STPG2: variants seen among roughly 807,000 people sequenced by gnomAD.
STPG2 encodes sperm tail PG-rich repeat containing 2.
Under a neutral mutation model 54.2 loss-of-function variants are expected in STPG2, and 56 were observed. The observed-to-expected ratio is 1.03, with a 90% CI of 0.83 to 1.29. The LOEUF (loss-of-function observed/expected upper bound fraction) is 1.29. Ranked by LOEUF, STPG2 falls within the 50% of genes most tolerant of loss-of-function variation. The pLI, the probability that STPG2 is intolerant of heterozygous loss-of-function variation, is 0.00. For synonymous variants in STPG2, 200 were observed against 181.8 expected (o/e 1.10, Z -0.81); for missense variants, 596 against 544.9 (o/e 1.09, Z -0.93).
At chr4:97,897,859 T>A (rs1176336235) in intron 8 of STPG2, among the ~76,000 whole-genome samples, 1 of 152,216 alleles carries the variant, frequency 6.6e-6, no homozygotes, top group Non-Finnish European at 1.5e-5. Flanking sequence ...GTAGGTTGTC[T>A]GTTCACTCTG....
chr4:97,474,832 T>G (rs975026623), intron 4 of STPG2, among the ~76,000 whole-genome samples: 3 of 152,110 alleles, frequency 2.0e-5, no homozygotes, highest in African/African-American at 7.2e-5. Context: ...AAATAACTTT[T>G]TGTGTGGGTT....
At chr4:98,016,252 T>C (rs371653426) in intron 5 of STPG2, among the ~76,000 whole-genome samples, 2 of 152,152 alleles carry the variant, frequency 1.3e-5, no homozygotes, top group South Asian at 4.1e-4. Flanking sequence ...TGACTATCCA[T>C]TTGTGTTTAA....
intron 8 of STPG2, among the ~76,000 whole-genome samples, chr4:97,891,234 T>A (rs1361417625): frequency 6.6e-6 from 1 of 152,080 alleles, no homozygotes; most frequent in African/African-American, 2.4e-5. Context: ...CACTTTGTGA[T>A]CATTAAAAGT....
At chr4:97,751,866 C>T (rs1306173549) in intron 9 of STPG2, among the ~76,000 whole-genome samples, 1 of 151,586 alleles carries the variant, frequency 6.6e-6, no homozygotes. Context: ...TAATTACTGC[C>T]GATAGCCCTC....
chr4:98,014,484 G>C (rs1735865186), intron 5 of STPG2, among the ~76,000 whole-genome samples: 1 of 152,078 alleles, frequency 6.6e-6, no homozygotes, highest in Non-Finnish European at 1.5e-5. Context: ...TTCACCTGCT[G>C]TTTTGGTTTT....
At chr4:97,816,889 TTTTA>T (rs1273553311) in intron 9 of STPG2, among the ~76,000 whole-genome samples, 3 of 150,026 alleles carry the variant, frequency 2.0e-5, no homozygotes, top group Admixed American at 1.3e-4. Context: ...TCTTTTTCTT[TTTTA>T]TTTCTCTCAT....
intron 9 of STPG2, among the ~76,000 whole-genome samples, chr4:97,828,468 G>T (rs570908091): frequency 3.9e-5 from 6 of 152,110 alleles, no homozygotes; most frequent in Non-Finnish European, 8.8e-5. Flanking sequence ...CAGCTGGTTG[G>T]GCAGACACCA....
In STPG2 at chr4:97,957,450, G is replaced by A. The variant is rs1450741059; in HGVS notation, c.934-13443C>T. Reference sequence around the variant, plus strand: ...GATTATGTTAAACGACCAAACCTAAGAATAATTGAGAAAGAAGGGAAATCT... The same window carrying A: ...GATTATGTTAAACGACCAAACCTAAAAATAATTGAGAAAGAAGGGAAATCT... On this transcript the variant is annotated intron_variant, in intron 7 of 10. Coordinates refer to ENST00000295268, the MANE Select transcript of STPG2 (RefSeq NM_174952.3). Among the ~76,000 whole-genome samples the A allele has an allele frequency of 2.0e-5, 3 of 152,026 alleles. No homozygotes were observed. In the East Asian group the frequency reaches 5.8e-4, roughly 29 times the overall value.
At chr4:97,469,781 A>G (rs927262979) in intron 4 of STPG2, among the ~76,000 whole-genome samples, 2 of 152,010 alleles carry the variant, frequency 1.3e-5, no homozygotes, top group African/African-American at 4.8e-5. Flanking sequence ...AGACACAGAA[A>G]CTAAAACATA....
chr4:97,920,732 G>A (rs1732069791), intron 8 of STPG2, among the ~76,000 whole-genome samples: 1 of 152,196 alleles, frequency 6.6e-6, no homozygotes, highest in African/African-American at 2.4e-5. Flanking sequence ...CCATAGACGT[G>A]AGAAGTAAGA....
chr4:97,797,316 C>T (rs1179209280), intron 9 of STPG2, among the ~76,000 whole-genome samples: 2 of 152,162 alleles, frequency 1.3e-5, no homozygotes, highest in Non-Finnish European at 2.9e-5. Context: ...ATGATATTGG[C>T]TGTGGGTTTG....
chr4:97,988,851 C>G (rs1734908313), intron 5 of STPG2, among the ~76,000 whole-genome samples: 1 of 152,168 alleles, frequency 6.6e-6, no homozygotes, highest in Admixed American at 6.5e-5. Flanking sequence ...CGAGCTCAAG[C>G]GATCTGCCCG....
intron 9 of STPG2, among the ~76,000 whole-genome samples, chr4:97,835,693 G>A (rs7679726): frequency 1.9e-3 from 296 of 152,162 alleles, no homozygotes; most frequent in African/African-American, 7.0e-3. Context: ...ACTCCTCTGG[G>A]ATCTGGGCAA....
chr4:97,720,864 A>G (rs1724427334), intron 9 of STPG2, among the ~76,000 whole-genome samples: 1 of 152,008 alleles, frequency 6.6e-6, no homozygotes, highest in Non-Finnish European at 1.5e-5. Context: ...ACAATAAAAC[A>G]AATTCTAGAG....
At position 97,515,937 on chromosome 4, in the gene STPG2, C is replaced by A. The variant is rs549943963; in HGVS notation, c.462+196762G>T. Among the ~76,000 whole-genome samples, 8 of 152,020 alleles carry A rather than the reference C, an allele frequency of 5.3e-5. No homozygotes were observed. The South Asian group carries it at 1.5e-3, about 28-fold the overall frequency. ...ACATTGTAATACTGTATTTTCAGCC[C>A]AATTAAAGAGATTGTTTCGAAAAGT... On this transcript the variant is annotated intron_variant, in intron 4 of 4. Coordinates refer to the STPG2 transcript ENST00000522676.
intron 3 of STPG2, among the ~76,000 whole-genome samples, chr4:98,125,319 T>G (rs1018486942): frequency 1.3e-5 from 2 of 152,210 alleles, no homozygotes; most frequent in Non-Finnish European, 2.9e-5. Context: ...GCTTATCTTC[T>G]TTTGATCTTT....
At chr4:97,738,745 T>G (rs1259453592) in intron 9 of STPG2, among the ~76,000 whole-genome samples, 1 of 151,926 alleles carries the variant, frequency 6.6e-6, no homozygotes, top group Admixed American at 6.6e-5. Flanking sequence ...AGACTTAGAC[T>G]CCCACACAAT....
intron 10 of STPG2, among the ~76,000 whole-genome samples, chr4:97,698,447 CAA>C (rs1723656297): frequency 6.6e-6 from 1 of 152,134 alleles, no homozygotes; most frequent in Non-Finnish European, 1.5e-5. Flanking sequence ...AGGAGGAGCA[CAA>C]AGTGTCCAGG....
chr4:97,748,027 C>T (rs1421484904), intron 9 of STPG2, among the ~76,000 whole-genome samples: 1 of 151,402 alleles, frequency 6.6e-6, no homozygotes, highest in Non-Finnish European at 1.5e-5. Flanking sequence ...GAATTAAGTC[C>T]TCCCCATTTC....
Sources: gnomAD v4.1 joint callset for allele counts (sites outside exome capture counted in the v4.1 genomes callset) on GRCh38, gnomAD v4.1.1 for gene constraint, MANE v1.5 for transcripts, NCBI Gene and HGNC (gene_info 2026-07-23, HGNC 2026-07-21) for gene names.